The following CSNK1G1 variants were observed in gnomAD, a reference collection of about 807,000 sequenced individuals.
The protein encoded by CSNK1G1 is casein kinase 1 gamma 1, also known as casein kinase I isoform gamma-1.
A neutral mutation model predicts 59.6 loss-of-function variants in CSNK1G1; 22 were observed. The observed-to-expected ratio is 0.37, with a 90% confidence interval of 0.26 to 0.53. The LOEUF (loss-of-function observed/expected upper bound fraction) is 0.53. CSNK1G1 is among the 20% of genes least tolerant of loss of function. The pLI, the probability that CSNK1G1 is intolerant of heterozygous loss-of-function variation, is 0.89. For synonymous variants in CSNK1G1, 179 were observed against 177.1 expected (o/e 1.01, Z -0.08); for missense variants, 384 against 519.5 (o/e 0.74, Z 2.54).
chr15:64,250,894 G>A (rs1052545723), intron 4 of CSNK1G1, among the ~76,000 whole-genome samples: 1 of 152,206 alleles, frequency 6.6e-6, no homozygotes, highest in African/African-American at 2.4e-5. Flanking sequence ...CATCTTCTGA[G>A]AGACTTGTCC....
intron 2 of CSNK1G1, among the ~76,000 whole-genome samples, chr15:64,266,970 G>A (rs117893710): frequency 0.011 from 1,682 of 152,238 alleles, 17 homozygotes; most frequent in Middle Eastern, 0.031. Flanking sequence ...TTTTGGATGG[G>A]ACCTCAAAAG....
chr15:64,353,117 A>G (rs948710170), intron 1 of CSNK1G1, among the ~76,000 whole-genome samples: 2 of 152,152 alleles, frequency 1.3e-5, no homozygotes, highest in Admixed American at 1.3e-4. Context: ...AATTTCTCAC[A>G]AATTTACACA....
At chr15:64,258,997 T>C (rs1231404989) in intron 3 of CSNK1G1, among the ~76,000 whole-genome samples, 8 of 152,144 alleles carry the variant, frequency 5.3e-5, no homozygotes. Flanking sequence ...CTAAAGTTAG[T>C]ATCATTTAAC....
intron 4 of CSNK1G1, among the ~76,000 whole-genome samples, chr15:64,244,951 G>C (rs1050026211): frequency 2.6e-5 from 4 of 152,126 alleles, no homozygotes; most frequent in Non-Finnish European, 5.9e-5. Context: ...GAGACCAAGG[G>C]AAGAGAGGAG....
Position 64,320,386 on chromosome 15 carries a change from T to TA in CSNK1G1, c.-224-19664dup, listed in dbSNP as rs1464844430. Among the ~76,000 whole-genome samples, 7 of 151,844 alleles carry TA rather than the reference T, an allele frequency of 4.6e-5. No individual in the cohort carries two copies. In the South Asian group the frequency reaches 6.3e-4, roughly 14 times the overall value. On this transcript the variant is annotated intron_variant, in intron 1 of 11. Coordinates refer to ENST00000303052, the MANE Select transcript of CSNK1G1 (RefSeq NM_022048.5). ...TCTGCTCCTGTTGAATTTTGCCATA[T>TA]AAAAATATGGGGCCGGGCACAGTGG... is the stretch of plus-strand genomic sequence containing the variant.
chr15:64,187,989 T>A (rs2081920890), intron 10 of CSNK1G1, among the ~76,000 whole-genome samples: 1 of 152,236 alleles, frequency 6.6e-6, no homozygotes, highest in African/African-American at 2.4e-5. Context: ...TATCATGGAA[T>A]GAGCAACATA....
At chr15:64,260,755 C>CA (rs1892649198) in intron 2 of CSNK1G1, among the ~76,000 whole-genome samples, 1 of 151,790 alleles carries the variant, frequency 6.6e-6, no homozygotes, top group African/African-American at 2.4e-5. Flanking sequence ...AACAAACAAA[C>CA]AAAAAAAGCT....
intron 1 of CSNK1G1, among the ~76,000 whole-genome samples, chr15:64,308,024 G>T (rs1895781297): frequency 6.6e-6 from 1 of 151,932 alleles, no homozygotes; most frequent in Non-Finnish European, 1.5e-5. Context: ...GGAAAAAAAT[G>T]TTCGTCTTCT....
At chr15:64,246,463 A>C (rs910402896) in intron 4 of CSNK1G1, among the ~76,000 whole-genome samples, 9 of 152,102 alleles carry the variant, frequency 5.9e-5, no homozygotes, top group African/African-American at 2.2e-4. Flanking sequence ...CCCTACAAAA[A>C]ACTAAAAATA....
At chr15:64,269,612 G>A (rs1217997731) in intron 2 of CSNK1G1, among the ~76,000 whole-genome samples, 1 of 151,042 alleles carries the variant, frequency 6.6e-6, no homozygotes, top group Non-Finnish European at 1.5e-5. Context: ...TCCTGCCTCA[G>A]CCTCCCGAGT....
At chr15:64,350,044 A>T (rs1478203590) in intron 1 of CSNK1G1, among the ~76,000 whole-genome samples, 1 of 152,210 alleles carries the variant, frequency 6.6e-6, no homozygotes, top group Non-Finnish European at 1.5e-5. Context: ...TGAAAGAGTA[A>T]ATTTAAGTAA....
At chr15:64,197,618 C>T (rs1407385643) in intron 10 of CSNK1G1, among the ~76,000 whole-genome samples, 1 of 152,146 alleles carries the variant, frequency 6.6e-6, no homozygotes, top group Non-Finnish European at 1.5e-5. Context: ...TTCATTTGCC[C>T]TACTATAACC....
At chr15:64,230,797 C>T (rs1226282003) in intron 4 of CSNK1G1, among the ~76,000 whole-genome samples, 1 of 151,778 alleles carries the variant, frequency 6.6e-6, no homozygotes, top group Non-Finnish European at 1.5e-5. Context: ...ACGGTGAAAC[C>T]CCGTCTCTAC....
chr15:64,341,999 T>C (rs1033646565), intron 1 of CSNK1G1, among the ~76,000 whole-genome samples: 1 of 152,248 alleles, frequency 6.6e-6, no homozygotes, highest in Non-Finnish European at 1.5e-5. Context: ...TCATGGTCAC[T>C]TTTACAAGAT....
intron 5 of CSNK1G1, among the ~76,000 whole-genome samples, chr15:64,215,494 G>A (rs2082300888): frequency 6.6e-6 from 1 of 152,178 alleles, no homozygotes; most frequent in Admixed American, 6.5e-5. Flanking sequence ...TTACAGGCGT[G>A]AGCCACCATT....
rs75630310 is a variant in CSNK1G1 at position 64,171,544 on chromosome 15, G to A, written c.*387C>T. 5.0e-6 allele frequency: 1 copy of A among 198,144 alleles called. No individual in the cohort carries two copies. The highest frequency in any genetic ancestry group is 2.3e-5 in the African/African-American group (1 of 42,874). The allele number at this position is 198,144 out of a possible 1,614,324, so 12.3% of individuals were successfully genotyped here. A position where few individuals can be genotyped will look rare whatever the true frequency, so the allele number is the denominator to read the frequency against. ...TGCAGACAAAGCCTTTAGCTCACTA[G>A]GTTTTATGCTGGAGAGGGTTGAGGG... is the stretch of plus-strand genomic sequence containing the variant. On this transcript the variant is annotated 3_prime_UTR_variant, in exon 12 of 12. Transcript: ENST00000303052. The surrounding 1 kb of genome is among the most constrained non-coding windows in gnomAD (Gnocchi z 4.8).
rs145090441 is a variant in CSNK1G1 at position 64,219,993 on chromosome 15, C to T, written c.293-3280G>A. On this transcript the variant is annotated intron_variant, in intron 4 of 11. Coordinates refer to ENST00000303052, the MANE Select transcript of CSNK1G1 (RefSeq NM_022048.5). Reference sequence around the variant, plus strand: ...TTCGCCATGTTGGCCAGGATAGTCTCGATCTCCTGACCTCGTGATCTGCCT... The same window carrying T: ...TTCGCCATGTTGGCCAGGATAGTCTTGATCTCCTGACCTCGTGATCTGCCT... Among the ~76,000 whole-genome samples the T allele has an allele frequency of 4.4e-3, 666 of 152,062 alleles. 8 individuals carry two copies. The highest frequency in any genetic ancestry group is 0.015 in the African/African-American group (621 of 41,486).
At position 64,171,765 on chromosome 15, in the gene CSNK1G1, C is replaced by G. The variant is rs1382072087; in HGVS notation, c.*166G>C. 1 of 660,680 alleles carries G rather than the reference C, an allele frequency of 1.5e-6. No individual in the cohort carries two copies. Among genetic ancestry groups the G allele is most frequent in the African/African-American group, 1.8e-5 (1 of 55,414 alleles). The allele number at this position is 660,680 out of a possible 1,614,324, so 40.9% of individuals were successfully genotyped here. A position where few individuals can be genotyped will look rare whatever the true frequency, so the allele number is the denominator to read the frequency against. On this transcript the variant is annotated 3_prime_UTR_variant, in exon 12 of 12. Transcript: ENST00000303052. This position sits in a 1 kb window ranked among gnomAD's most constrained non-coding sequence, Gnocchi z 4.8. ...CGGAGATGGCCAATGACCCACTAGG[C>G]CCTGGCTGCCCGCACTGGCCCCTTC...
intron 10 of CSNK1G1, among the ~76,000 whole-genome samples, chr15:64,192,536 G>GA (rs1212636755): frequency 6.6e-6 from 1 of 151,928 alleles, no homozygotes; most frequent in South Asian, 2.1e-4. Flanking sequence ...TATGGCAGGG[G>GA]AAAAAAATCT....
Sources: gnomAD v4.1 joint callset for allele counts (sites outside exome capture counted in the v4.1 genomes callset) on GRCh38, gnomAD v4.1.1 for gene constraint, Gnocchi (gnomAD v3.1) non-coding constraint, MANE v1.5 for transcripts, NCBI Gene and HGNC (gene_info 2026-07-23, HGNC 2026-07-21) for gene names.